The following RASA3 variants were observed in gnomAD, a reference collection of about 807,000 sequenced individuals.
RASA3 encodes RAS p21 protein activator 3.
Under a neutral mutation model 110.0 loss-of-function variants are expected in RASA3, and 73 were observed. That is an observed-to-expected ratio of 0.66 (90% CI 0.55 to 0.81). The LOEUF is 0.81. Among genes scored for constraint, RASA3 ranks in the 30% least tolerant of loss-of-function variants. The pLI is 0.00. For missense variants in RASA3, 976 were observed against 1,113.2 expected, an observed-to-expected ratio of 0.88 and a Z score of 1.75; for synonymous variants, 500 against 451.4, an observed-to-expected ratio of 1.11 and a Z score of -1.37.
At chr13:114,095,445 T>G (rs1274407593) in intron 1 of RASA3, among the ~76,000 whole-genome samples, 3 of 152,100 alleles carry the variant, frequency 2.0e-5, no homozygotes, top group Admixed American at 2.0e-4. Flanking sequence ...CTTCTATCAC[T>G]ACAGATTTGC....
At chr13:114,043,565 G>T (rs1033563701) in intron 3 of RASA3, among the ~76,000 whole-genome samples, 1 of 152,068 alleles carries the variant, frequency 6.6e-6, no homozygotes. Context: ...GACCTCATCG[G>T]CTCAGCTCTT....
chr13:113,979,483 G>A, intron 23 of RASA3, 61 bp from the exon 24 acceptor site: 1 of 1,349,118 alleles, frequency 7.4e-7, no homozygotes, highest in Middle Eastern at 1.8e-4. Flanking sequence ...GCTCACCCGT[G>A]GCTGCGGGAG....
chr13:114,123,001 C>G (rs2080398630), intron 1 of RASA3, among the ~76,000 whole-genome samples: 1 of 152,238 alleles, frequency 6.6e-6, no homozygotes, highest in South Asian at 2.1e-4. Flanking sequence ...CTGTGGTCAT[C>G]AGAGTCCACC....
At chr13:114,125,804 C>T (rs1000394634) in intron 1 of RASA3, among the ~76,000 whole-genome samples, 2 of 152,136 alleles carry the variant, frequency 1.3e-5, no homozygotes, top group African/African-American at 2.4e-5. Flanking sequence ...CCCGCGGCTG[C>T]GTAAGACGAG....
intron 1 of RASA3, among the ~76,000 whole-genome samples, chr13:114,117,759 CGT>C (rs1410096785): frequency 1.3e-4 from 13 of 97,736 alleles, no homozygotes; most frequent in African/African-American, 4.5e-4. Flanking sequence ...GAGGGATGCA[CGT>C]GTGTGAGAGC....
In RASA3 at chr13:114,132,509, C is replaced by G. The variant is rs1173488802; in HGVS notation, c.-20G>C. 1 of 1,477,594 alleles carries G rather than the reference C, an allele frequency of 6.8e-7. No homozygotes were observed. The highest frequency in any genetic ancestry group is 8.9e-7 in the Non-Finnish European group (1 of 1,118,254). The allele number at this position is 1,477,594 out of a possible 1,614,324, so 91.5% of individuals were successfully genotyped here. A position where few individuals can be genotyped will look rare whatever the true frequency, so the allele number is the denominator to read the frequency against. The stretch of plus-strand genomic sequence containing the variant: ...CGCCATGCTGCGCGTCCGCGCCCGC[C>G]GAGCCTCGCCCCAAGCGCGCGCCGA... On this transcript the variant is annotated 5_prime_UTR_variant, in exon 1 of 24. Coordinates refer to ENST00000334062, the MANE Select transcript of RASA3 (RefSeq NM_007368.4).
At chr13:114,069,291 C>T (rs1019051592) in intron 2 of RASA3, among the ~76,000 whole-genome samples, 1 of 151,864 alleles carries the variant, frequency 6.6e-6, no homozygotes. Context: ...CGGCTGCAGA[C>T]CCAGCGGCCA....
chr13:114,021,562 CAA>C (rs2053928023), intron 8 of RASA3, 54 bp from the exon 9 acceptor site: 1 of 1,423,806 alleles, frequency 7.0e-7, no homozygotes, highest in African/African-American at 1.4e-5. Flanking sequence ...CCGTGTGGAG[CAA>C]AGATGACAGG....
intron 12 of RASA3, among the ~76,000 whole-genome samples, chr13:114,016,497 C>A (rs1284383314): frequency 1.3e-5 from 2 of 152,172 alleles, no homozygotes; most frequent in Non-Finnish European, 2.9e-5. Context: ...AAGGGGGCAA[C>A]CCTGGGCCTG....
intron 3 of RASA3, among the ~76,000 whole-genome samples, chr13:114,045,188 G>A (rs915137304): frequency 6.6e-6 from 1 of 152,192 alleles, no homozygotes; most frequent in Admixed American, 6.5e-5. Flanking sequence ...GAGAATGCCT[G>A]ATCTAAAAGC....
intron 8 of RASA3, among the ~76,000 whole-genome samples, chr13:114,023,699 C>T (rs536101192): frequency 5.9e-4 from 90 of 152,332 alleles, no homozygotes; most frequent in African/African-American, 2.0e-3. Flanking sequence ...GCGATTTCCC[C>T]GTTTCCCGTG....
chr13:114,046,599 G>A (rs1162665478), intron 3 of RASA3, among the ~76,000 whole-genome samples: 2 of 152,214 alleles, frequency 1.3e-5, no homozygotes, highest in African/African-American at 2.4e-5. Context: ...TAACCTCCAG[G>A]CGTTGCCATG....
intron 14 of RASA3, among the ~76,000 whole-genome samples, chr13:114,013,860 C>CT (rs1566478785): frequency 1.2e-4 from 6 of 49,660 alleles, no homozygotes; most frequent in African/African-American, 4.3e-4. Flanking sequence ...CTCTGTCTCT[C>CT]TCCCTGTCTC....
At chr13:114,050,142 C>T (rs114566937) in intron 3 of RASA3, among the ~76,000 whole-genome samples, 6,646 of 152,256 alleles carry the variant, frequency 0.044, 171 homozygotes, top group Middle Eastern at 0.095. Flanking sequence ...AGCTTGAACG[C>T]GACATAAAGC....
At chr13:114,125,713 T>C (rs1594484259) in intron 1 of RASA3, among the ~76,000 whole-genome samples, 1 of 152,144 alleles carries the variant, frequency 6.6e-6, no homozygotes, top group East Asian at 1.9e-4. Context: ...GTTCATCGCC[T>C]TCACCTATGG....
At chr13:114,109,353 G>A (rs898895681) in intron 1 of RASA3, among the ~76,000 whole-genome samples, 8 of 152,100 alleles carry the variant, frequency 5.3e-5, no homozygotes, top group African/African-American at 1.2e-4. Context: ...TTTGTGCTGC[G>A]TGGTTCCCAG....
In RASA3 at chr13:114,042,375, C is replaced by T. The variant is rs115746591; in HGVS notation, c.278-1281G>A. Among the ~76,000 whole-genome samples, 1,244 of 152,364 alleles carry T rather than the reference C, an allele frequency of 8.2e-3. 9 individuals are homozygous for T. Among genetic ancestry groups the T allele is most frequent in the African/African-American group, 0.029 (1,189 of 41,586 alleles). ...CGATGCACGTGAACTCCTAGGGAGT[C>T]GCACACACATGTGAAGTCTGAGCCC... On this transcript the variant is annotated intron_variant, in intron 3 of 23. Coordinates refer to ENST00000334062, the MANE Select transcript of RASA3 (RefSeq NM_007368.4).
intron 1 of RASA3, among the ~76,000 whole-genome samples, chr13:114,117,218 G>C (rs1331493031): frequency 4.3e-5 from 4 of 93,944 alleles, no homozygotes; most frequent in East Asian, 3.1e-4. Flanking sequence ...GGGTGCACGT[G>C]TGTGAGGGGT....
At chr13:114,131,436 G>A (rs1250732969) in intron 1 of RASA3, among the ~76,000 whole-genome samples, 10 of 152,152 alleles carry the variant, frequency 6.6e-5, no homozygotes, top group African/African-American at 2.2e-4. Flanking sequence ...TCTGGGGGAG[G>A]GGGAGGACTT....
Sources: allele counts gnomAD v4.1 joint callset (sites outside exome capture counted in the v4.1 genomes callset), GRCh38; gene constraint gnomAD v4.1.1; transcripts MANE v1.5; gene names NCBI Gene and HGNC (gene_info 2026-07-23, HGNC 2026-07-21).